CSGALNACT1: variants seen among roughly 807,000 people sequenced by gnomAD.
CSGALNACT1 encodes beta4GalNAcT-1.
CSGALNACT1 carries 52 observed loss-of-function variants against 51.0 expected under a neutral mutation model. That is an observed-to-expected ratio of 1.02 (90% CI 0.82 to 1.29). The LOEUF is 1.29. Ranked by LOEUF, CSGALNACT1 falls within the 50% of genes most tolerant of loss-of-function variation. CSGALNACT1 has a pLI of 0.00. For synonymous variants in CSGALNACT1, 341 were observed against 254.4 expected, an observed-to-expected ratio of 1.34 and a Z score of -3.24; for missense variants, 935 against 679.2, an observed-to-expected ratio of 1.38 and a Z score of -4.19.
chr8:19,700,126 GAA>G (rs36041049), intron 1 of CSGALNACT1, among the ~76,000 whole-genome samples: 27,893 of 139,074 alleles, frequency 0.2, 2,933 homozygotes, highest in East Asian at 0.44. Flanking sequence ...AAAAAAAAAA[GAA>G]AAAAAAAAAC....
chr8:19,756,048 C>T (rs2154255426), intron 1 of CSGALNACT1, among the ~76,000 whole-genome samples: 1 of 152,260 alleles, frequency 6.6e-6, no homozygotes, highest in African/African-American at 2.4e-5. Context: ...AAAAATTCAT[C>T]TTGCCTTTCT....
intron 4 of CSGALNACT1, among the ~76,000 whole-genome samples, chr8:19,503,586 T>A (rs2076785931): frequency 6.6e-6 from 1 of 152,082 alleles, no homozygotes; most frequent in Non-Finnish European, 1.5e-5. Context: ...TTTTTAATGA[T>A]GTTTAATGAT....
intron 3 of CSGALNACT1, among the ~76,000 whole-genome samples, chr8:19,557,617 G>C (rs2039759161): frequency 6.6e-6 from 1 of 152,046 alleles, no homozygotes; most frequent in South Asian, 2.1e-4. Flanking sequence ...TATCCACAAG[G>C]CCTATTCCTG....
intron 6 of CSGALNACT1, among the ~76,000 whole-genome samples, chr8:19,422,586 G>A (rs562978749): frequency 1.3e-5 from 2 of 152,290 alleles, no homozygotes; most frequent in African/African-American, 4.8e-5. Flanking sequence ...TTTTCTCTGG[G>A]GGGGTGCCCC....
chr8:19,410,922 G>A (rs1025983634), intron 8 of CSGALNACT1, among the ~76,000 whole-genome samples: 5 of 152,208 alleles, frequency 3.3e-5, no homozygotes, highest in African/African-American at 4.8e-5. Context: ...GGAAGGACGC[G>A]CTCAATAGCA....
intron 4 of CSGALNACT1, among the ~76,000 whole-genome samples, chr8:19,480,071 TCTTA>T (rs1022803143): frequency 1.4e-4 from 22 of 152,256 alleles, no homozygotes; most frequent in African/African-American, 5.1e-4. Flanking sequence ...TTGCCTTCCT[TCTTA>T]AATTCTGAAT....
rs535599912 is a variant in CSGALNACT1 at position 19,447,730 on chromosome 8, G to A, written c.852-7799C>T. On this transcript the variant is annotated intron_variant, in intron 5 of 9. Transcript: ENST00000454498. ...CTGTCTTGACGGAGAAACAAGCTCA[G>A]TAATAAAAACTGACTTGTCAGAGAG... is the stretch of plus-strand genomic sequence containing the variant. Among the ~76,000 whole-genome samples, 5 of 152,328 alleles carry A rather than the reference G, an allele frequency of 3.3e-5. No individual in the cohort carries two copies. The East Asian group carries it at 9.7e-4, about 29-fold the overall frequency.
intron 3 of CSGALNACT1, among the ~76,000 whole-genome samples, chr8:19,538,901 C>G (rs2084410309): frequency 6.6e-6 from 1 of 152,148 alleles, no homozygotes. Flanking sequence ...TGTCCATTTG[C>G]TCTGCCTGGA....
At chr8:19,661,837 C>G (rs2058762497) in intron 1 of CSGALNACT1, among the ~76,000 whole-genome samples, 1 of 152,164 alleles carries the variant, frequency 6.6e-6, no homozygotes, top group African/African-American at 2.4e-5. Flanking sequence ...TTTCTCCCAC[C>G]AGTTCACCAG....
At chr8:19,627,208 T>A (rs917137440) in intron 1 of CSGALNACT1, among the ~76,000 whole-genome samples, 3 of 152,112 alleles carry the variant, frequency 2.0e-5, no homozygotes, top group Non-Finnish European at 4.4e-5. Flanking sequence ...TATATACTAA[T>A]TGGCAACAAA....
chr8:19,675,508 C>A (rs1160151747), intron 1 of CSGALNACT1, among the ~76,000 whole-genome samples: 2 of 152,034 alleles, frequency 1.3e-5, no homozygotes, highest in African/African-American at 4.8e-5. Flanking sequence ...TCCCTCCCCC[C>A]AGACAGAGTC....
At chr8:19,481,977 T>G (rs936251070) in intron 4 of CSGALNACT1, among the ~76,000 whole-genome samples, 6 of 152,198 alleles carry the variant, frequency 3.9e-5, no homozygotes, top group Non-Finnish European at 7.3e-5. Context: ...TTCCATATAC[T>G]GCAGCTACTC....
chr8:19,519,397 C>T (rs1039431748), intron 3 of CSGALNACT1, among the ~76,000 whole-genome samples: 4 of 152,184 alleles, frequency 2.6e-5, no homozygotes, highest in African/African-American at 7.2e-5. Flanking sequence ...TGATCTGCTT[C>T]AATCAGCCTT....
At chr8:19,680,844 A>G (rs180880978) in intron 1 of CSGALNACT1, among the ~76,000 whole-genome samples, 3 of 152,170 alleles carry the variant, frequency 2.0e-5, no homozygotes, top group Admixed American at 1.3e-4. Context: ...TCCCAGAACC[A>G]TTACTGAATA....
intron 1 of CSGALNACT1, among the ~76,000 whole-genome samples, chr8:19,754,284 T>G (rs2065223501): frequency 6.6e-6 from 1 of 152,228 alleles, no homozygotes; most frequent in Admixed American, 6.5e-5. Flanking sequence ...TGCCTCAGCC[T>G]CCCAAAGCGC....
At chr8:19,439,975 T>G (rs988646805) in intron 5 of CSGALNACT1, 44 bp from the exon 5 acceptor site, 2 of 1,488,338 alleles carry the variant, frequency 1.3e-6, no homozygotes, top group East Asian at 4.5e-5. Flanking sequence ...GTTTTCACAC[T>G]GACAGGCACA....
chr8:19,549,393 AT>A (rs1465472460), intron 3 of CSGALNACT1, among the ~76,000 whole-genome samples: 1 of 151,976 alleles, frequency 6.6e-6, no homozygotes, highest in Non-Finnish European at 1.5e-5. Flanking sequence ...TCAATTTTTC[AT>A]TTGGTTGATT....
intron 1 of CSGALNACT1, among the ~76,000 whole-genome samples, chr8:19,736,158 T>G (rs529678898): frequency 2.6e-5 from 4 of 152,332 alleles, no homozygotes; most frequent in Admixed American, 2.6e-4. Context: ...GCACAGCAAA[T>G]GTTTTAATTC....
intron 3 of CSGALNACT1, among the ~76,000 whole-genome samples, chr8:19,574,863 C>T (rs369736612): frequency 1.6e-4 from 25 of 152,152 alleles, no homozygotes; most frequent in African/African-American, 4.8e-4. Flanking sequence ...GGTGAAATCC[C>T]GTCTCTACTA....
Sources: allele counts gnomAD v4.1 joint callset (sites outside exome capture counted in the v4.1 genomes callset), GRCh38; gene constraint gnomAD v4.1.1; transcripts MANE v1.5; gene names NCBI Gene and HGNC (gene_info 2026-07-23, HGNC 2026-07-21).